The following FAM227A variants were observed in gnomAD, a reference collection of about 807,000 sequenced individuals.
FAM227A encodes the protein family with sequence similarity 227 member A.
A neutral mutation model predicts 74.7 loss-of-function variants in FAM227A; 80 were observed. That is an observed-to-expected ratio of 1.07 (90% CI 0.89 to 1.29). The LOEUF (loss-of-function observed/expected upper bound fraction) is 1.29, where lower values mean the gene tolerates loss of function less well. Ranked by LOEUF, FAM227A falls within the 50% of genes most tolerant of loss-of-function variation. FAM227A has a pLI of 0.00. For missense variants in FAM227A, 654 were observed against 683.4 expected, an observed-to-expected ratio of 0.96 and a Z score of 0.48; for synonymous variants, 237 against 241.8, an observed-to-expected ratio of 0.98 and a Z score of 0.19.
intron 6 of FAM227A, among the ~76,000 whole-genome samples, chr22:38,635,307 C>T (rs1255770960): frequency 1.3e-5 from 2 of 150,530 alleles, no homozygotes; most frequent in Non-Finnish European, 2.9e-5. Context: ...TGGGGTGTGG[C>T]TCAAAGCAGC....
At chr22:38,594,506 A>G (rs1248849358) in intron 15 of FAM227A, among the ~76,000 whole-genome samples, 2 of 152,188 alleles carry the variant, frequency 1.3e-5, no homozygotes, top group African/African-American at 2.4e-5. Context: ...AAATAGAGGG[A>G]GGTTTTTCTT....
chr22:38,595,180 T>C (rs2091018556), intron 15 of FAM227A, among the ~76,000 whole-genome samples: 2 of 152,232 alleles, frequency 1.3e-5, no homozygotes, highest in Admixed American at 1.3e-4. Flanking sequence ...TATTTTTCTG[T>C]CCCTCTTATT....
chr22:38,613,059 A>G (rs2091450543), intron 11 of FAM227A, among the ~76,000 whole-genome samples: 1 of 110,098 alleles, frequency 9.1e-6, no homozygotes, highest in East Asian at 2.2e-4. Flanking sequence ...TATATTATAT[A>G]TATGTAAATA....
intron 3 of FAM227A, among the ~76,000 whole-genome samples, chr22:38,642,850 C>T (rs188751190): frequency 1.3e-5 from 2 of 152,048 alleles, no homozygotes; most frequent in African/African-American, 4.8e-5. Context: ...GCAGGAGAAT[C>T]GTTTGAACCC....
chr22:38,613,179 ATATAT>A (rs2091470325), intron 11 of FAM227A, among the ~76,000 whole-genome samples: 1 of 77,784 alleles, frequency 1.3e-5, no homozygotes, highest in Non-Finnish European at 2.2e-5. Context: ...TATATATATT[ATATAT>A]AATATATATA....
At chr22:38,637,946 C>A (rs930826798) in intron 5 of FAM227A, among the ~76,000 whole-genome samples, 2 of 152,184 alleles carry the variant, frequency 1.3e-5, no homozygotes, top group African/African-American at 4.8e-5. Context: ...ATGGACAGAT[C>A]ACTTGAGGTC....
intron 11 of FAM227A, among the ~76,000 whole-genome samples, chr22:38,614,410 CT>C (rs1274344623): frequency 1.3e-5 from 2 of 152,142 alleles, no homozygotes; most frequent in African/African-American, 2.4e-5. Context: ...TGGTTAGATA[CT>C]TTTGCATTTC....
At chr22:38,607,003 C>T (rs990948340) in intron 12 of FAM227A, among the ~76,000 whole-genome samples, 3 of 151,898 alleles carry the variant, frequency 2.0e-5, no homozygotes, top group Admixed American at 1.3e-4. Flanking sequence ...ATGGTGAAAC[C>T]GCGTCTCTAC....
At chr22:38,643,930 G>A (rs1037903009) in intron 3 of FAM227A, among the ~76,000 whole-genome samples, 1 of 151,890 alleles carries the variant, frequency 6.6e-6, no homozygotes, top group Non-Finnish European at 1.5e-5. Flanking sequence ...GGCGGATCAC[G>A]AGGTCAGGAG....
chr22:38,614,699 G>T (rs1056696876), intron 11 of FAM227A, among the ~76,000 whole-genome samples: 4 of 152,126 alleles, frequency 2.6e-5, no homozygotes, highest in Non-Finnish European at 4.4e-5. Flanking sequence ...CAGAGTTTTT[G>T]ATTATTTCTA....
chr22:38,613,066 A>AATATATTATATATAATTATATAT (rs754594184), intron 11 of FAM227A, among the ~76,000 whole-genome samples: 27 of 102,354 alleles, frequency 2.6e-4, no homozygotes, highest in African/African-American at 6.2e-4. Flanking sequence ...TATATATGTA[A>AATATATTATATATAATTATATAT]ATATATTATA....
chr22:38,594,705 G>A (rs1447834431), intron 15 of FAM227A, among the ~76,000 whole-genome samples: 3 of 152,206 alleles, frequency 2.0e-5, no homozygotes, highest in Middle Eastern at 3.2e-3. Flanking sequence ...GCTCATGCCT[G>A]TAATCCCAGC....
chr22:38,635,254 GGAAGGGCATGGGGA>G (rs1206735590), intron 6 of FAM227A, among the ~76,000 whole-genome samples: 3 of 150,064 alleles, frequency 2.0e-5, no homozygotes, highest in African/African-American at 4.9e-5. Flanking sequence ...AAAAAAGGAA[GGAAGGGCATGGGGA>G]GAAGGAGAGG....
At chr22:38,604,172 C>A (rs772846940) in intron 13 of FAM227A, among the ~76,000 whole-genome samples, 89 of 151,846 alleles carry the variant, frequency 5.9e-4, no homozygotes, top group Non-Finnish European at 1.0e-3. Context: ...ATTAAAAATA[C>A]AAAAATTAGC....
intron 9 of FAM227A, 25 bp downstream of exon 9, chr22:38,626,155 C>T (rs771108106): frequency 1.8e-5 from 28 of 1,548,926 alleles, no homozygotes; most frequent in Non-Finnish European, 2.6e-6. Context: ...ATCGCTTTCC[C>T]CGGTGGAAAA....
At chr22:38,621,349 CAAAAAAA>C (rs35716573) in intron 10 of FAM227A, among the ~76,000 whole-genome samples, 1 of 79,192 alleles carries the variant, frequency 1.3e-5, no homozygotes, top group East Asian at 3.4e-4. Flanking sequence ...GACTCTGTCT[CAAAAAAA>C]AAAAAAAGAA....
intron 7 of FAM227A, 81 bp downstream of exon 7, chr22:38,628,750 TGTA>T (rs2091859156): frequency 1.2e-6 from 1 of 852,226 alleles, no homozygotes; most frequent in Middle Eastern, 2.2e-4. Flanking sequence ...CAGAGGGGCT[TGTA>T]GCTCATGTCA....
chr22:38,606,111 A>G (rs867120402), intron 12 of FAM227A, among the ~76,000 whole-genome samples: 3 of 152,148 alleles, frequency 2.0e-5, no homozygotes, highest in African/African-American at 7.2e-5. Context: ...CACCAAGCCA[A>G]CTAGGGACAG....
At chr22:38,593,943 C>T (rs555215949) in intron 15 of FAM227A, among the ~76,000 whole-genome samples, 7 of 152,302 alleles carry the variant, frequency 4.6e-5, no homozygotes, top group Non-Finnish European at 8.8e-5. Flanking sequence ...CCACCCGCCT[C>T]GGCCTCCCAA....
Sources: gnomAD v4.1 joint callset for allele counts (sites outside exome capture counted in the v4.1 genomes callset) on GRCh38, gnomAD v4.1.1 for gene constraint, MANE v1.5 for transcripts, NCBI Gene and HGNC (gene_info 2026-07-23, HGNC 2026-07-21) for gene names.